Variants in SLC3A1 observed in about 807,000 individuals in gnomAD.
SLC3A1 encodes the protein solute carrier family 3 member 1.
Under a neutral mutation model 60.3 loss-of-function variants are expected in SLC3A1, and 78 were observed. That is an observed-to-expected ratio of 1.29 (90% CI 1.08 to 1.56). SLC3A1 has a LOEUF of 1.56. SLC3A1 is among the 40% of genes most tolerant of loss of function. The probability of loss-of-function intolerance (pLI) is 0.00; values close to 1 mark genes in which losing one functional copy is unlikely to be tolerated. For synonymous variants in SLC3A1, 392 were observed against 307.9 expected, an observed-to-expected ratio of 1.27 and a Z score of -2.86; for missense variants, 1,172 against 858.9, an observed-to-expected ratio of 1.36 and a Z score of -4.56.
In SLC3A1 at chr2:44,318,151, C is replaced by T. The variant is rs547206473; in HGVS notation, c.1618-2048C>T. The stretch of plus-strand genomic sequence containing the variant: ...CGTCACCCATGCTCGAGTGCAGTGG[C>T]GTGATCTCGGCACACTGCAGCCTCT... On this transcript the variant is annotated intron_variant, in intron 9 of 9. Coordinates refer to ENST00000260649, the MANE Select transcript of SLC3A1 (RefSeq NM_000341.4). 39 of 437,250 alleles carry T rather than the reference C, an allele frequency of 8.9e-5. No homozygotes were observed. In the Middle Eastern group the frequency reaches 6.5e-3, roughly 73 times the overall value. 27.1% of individuals were successfully genotyped at this position (437,250 alleles called of 1,614,324 possible). A position where few individuals can be genotyped will look rare whatever the true frequency, so the allele number is the denominator to read the frequency against.
chr2:44,299,450 T>C (rs989991588), intron 4 of SLC3A1, among the ~76,000 whole-genome samples: 1 of 152,230 alleles, frequency 6.6e-6, no homozygotes, highest in African/African-American at 2.4e-5. Flanking sequence ...GATTCTATTT[T>C]TTTTCTGTGT....
intron 4 of SLC3A1, among the ~76,000 whole-genome samples, chr2:44,297,868 G>A (rs891727214): frequency 2.0e-5 from 3 of 152,120 alleles, no homozygotes; most frequent in African/African-American, 4.8e-5. Context: ...AAATTGCTGA[G>A]ATTACAGGTG....
intron 4 of SLC3A1, among the ~76,000 whole-genome samples, chr2:44,297,152 C>G (rs970604041): frequency 6.6e-6 from 1 of 152,196 alleles, no homozygotes; most frequent in Admixed American, 6.5e-5. Context: ...CTGTTTAGTA[C>G]TTTACAGATG....
At chr2:44,311,254 TTTCTC>T (rs1287003441) in intron 7 of SLC3A1, among the ~76,000 whole-genome samples, 5 of 152,362 alleles carry the variant, frequency 3.3e-5, no homozygotes, top group Admixed American at 2.6e-4. Flanking sequence ...TTTTTCATAA[TTTCTC>T]TTATCTATTT....
At chr2:44,291,892 T>G (rs1324957459) in intron 4 of SLC3A1, among the ~76,000 whole-genome samples, 1 of 152,126 alleles carries the variant, frequency 6.6e-6, no homozygotes, top group Non-Finnish European at 1.5e-5. Flanking sequence ...CTCCTCCTCT[T>G]TGTACTGGCC....
intron 6 of SLC3A1, 40 bp from the exon 7 acceptor site, chr2:44,304,103 G>A (rs1464467662): frequency 4.5e-6 from 7 of 1,553,128 alleles, no homozygotes; most frequent in Non-Finnish European, 5.3e-6. Flanking sequence ...CCAGTCTTCT[G>A]ACAGGCCCCG....
At chr2:44,322,349 T>G (rs754004247), downstream of SLC3A1, among the ~76,000 whole-genome samples, 1 of 152,156 alleles carries the variant, frequency 6.6e-6, no homozygotes, top group Non-Finnish European at 1.5e-5. Flanking sequence ...GCTAAACAGT[T>G]TGGGCACTGA....
At chr2:44,304,122 G>A (rs969780526) in intron 6 of SLC3A1, 21 bp from the exon 7 acceptor site, 4 of 1,608,872 alleles carry the variant, frequency 2.5e-6, no homozygotes, top group Non-Finnish European at 3.4e-6. Flanking sequence ...CGATGACACT[G>A]AACCTTGTCA....
intron 8 of SLC3A1, 132 bp downstream of exon 8, chr2:44,312,885 T>C: frequency 1.3e-6 from 1 of 753,668 alleles, no homozygotes; most frequent in Non-Finnish European, 2.2e-6. Context: ...TGCTTTTCTT[T>C]CTTACTGTTA....
intron 4 of SLC3A1, among the ~76,000 whole-genome samples, chr2:44,299,032 T>C (rs958499034): frequency 6.4e-4 from 7 of 10,970 alleles, no homozygotes; most frequent in East Asian, 3.5e-3. Context: ...TGTAGATTCC[T>C]TTTTTTTTTT....
chr2:44,281,662 G>A (rs1272333562), intron 3 of SLC3A1, 121 bp downstream of exon 3: 8 of 874,094 alleles, frequency 9.2e-6, no homozygotes, highest in East Asian at 5.2e-5. Flanking sequence ...AAGGGGGCAA[G>A]TTTCTGAAAG....
intron 7 of SLC3A1, among the ~76,000 whole-genome samples, chr2:44,311,737 C>A (rs72802986): frequency 0.099 from 13,466 of 136,022 alleles, 653 homozygotes; most frequent in Non-Finnish European, 0.12. Context: ...AAAAAAAAAA[C>A]CCAACCTCCT....
chr2:44,293,690 C>A (rs1025317564), intron 4 of SLC3A1, among the ~76,000 whole-genome samples: 1 of 152,062 alleles, frequency 6.6e-6, no homozygotes, highest in Admixed American at 6.5e-5. Context: ...GTAGCTGGAG[C>A]GAATTGCTCA....
chr2:44,298,621 A>G (rs1671917289), intron 4 of SLC3A1, among the ~76,000 whole-genome samples: 1 of 152,110 alleles, frequency 6.6e-6, no homozygotes, highest in Non-Finnish European at 1.5e-5. Flanking sequence ...CAAGTGATCC[A>G]CTTGCCTCGG....
intron 1 of SLC3A1, among the ~76,000 whole-genome samples, chr2:44,277,219 C>T (rs369318776): frequency 8.0e-5 from 12 of 150,352 alleles, no homozygotes; most frequent in African/African-American, 2.7e-4. Context: ...GCAATTCTCT[C>T]GGCTCAGCGT....
chr2:44,310,581 TTGAC>T (rs1672269688), intron 7 of SLC3A1, among the ~76,000 whole-genome samples: 1 of 152,230 alleles, frequency 6.6e-6, no homozygotes, highest in African/African-American at 2.4e-5. Flanking sequence ...TTTTAACGGT[TTGAC>T]TGATATGTCT....
chr2:44,285,173 G>A (rs1301512623), intron 3 of SLC3A1: 1 of 153,082 alleles, frequency 6.5e-6, no homozygotes, highest in Non-Finnish European at 1.5e-5. Flanking sequence ...GGTGGGCTGT[G>A]TGTTGAATTG....
chr2:44,285,641 T>C (rs1004243750), intron 3 of SLC3A1: 8 of 478,176 alleles, frequency 1.7e-5, no homozygotes, highest in African/African-American at 1.4e-4. Context: ...AGCTCCAAGA[T>C]GAGCGGAATG....
intron 2 of SLC3A1, 44 bp from the exon 3 acceptor site, chr2:44,281,343 A>G (rs1374652708): frequency 6.5e-7 from 1 of 1,541,268 alleles, no homozygotes; most frequent in South Asian, 1.1e-5. Context: ...ATGTTATTCT[A>G]ATACAATCTT....
Sources: gnomAD v4.1 joint callset for allele counts (sites outside exome capture counted in the v4.1 genomes callset) on GRCh38, gnomAD v4.1.1 for gene constraint, MANE v1.5 for transcripts, NCBI Gene and HGNC (gene_info 2026-07-23, HGNC 2026-07-21) for gene names.